The following INTS9 variants were observed in gnomAD, a reference collection of about 807,000 sequenced individuals.
INTS9 encodes integrator complex subunit 9, also known as protein related to CPSF subunits of 74 kDa.
INTS9 carries 55 observed loss-of-function variants against 79.7 expected under a neutral mutation model. The ratio of observed to expected loss-of-function variants is 0.69; its 90% confidence interval spans 0.56 to 0.86. The LOEUF is 0.86. Among genes scored for constraint, INTS9 ranks in the 40% least tolerant of loss-of-function variants. The probability of loss-of-function intolerance (pLI) is 0.00; values close to 1 mark genes in which losing one functional copy is unlikely to be tolerated. For missense variants in INTS9, 721 were observed against 831.5 expected (o/e 0.87, Z 1.64); for synonymous variants, 319 against 325.2 (o/e 0.98, Z 0.20).
Position 28,851,322 on chromosome 8 carries a change from G to T in INTS9, c.138-1049C>A, listed in dbSNP as rs539224529. 6.0e-4 allele frequency among the ~76,000 whole-genome samples: 92 copies of T among 152,126 alleles called. 6 individuals are homozygous for T. In the South Asian group the frequency reaches 0.018, roughly 31 times the overall value. ...AGTCAACACAAAAGCATAAATATGT[G>T]AATATCTGTCAATCTTTTAGAAATG... On this transcript the variant is annotated intron_variant, in intron 2 of 16. Transcript: ENST00000521022.
intron 8 of INTS9, among the ~76,000 whole-genome samples, chr8:28,797,932 T>C (rs1025762651): frequency 6.6e-6 from 1 of 152,268 alleles, no homozygotes; most frequent in Non-Finnish European, 1.5e-5. Context: ...TTCAGTATTT[T>C]CCTTTCACCT....
chr8:28,837,541 CT>C, intron 5 of INTS9, 95 bp downstream of exon 5: 5 of 1,354,606 alleles, frequency 3.7e-6, no homozygotes, highest in Non-Finnish European at 5.0e-6. Context: ...TCAGAAGGAA[CT>C]AACCACCAGC....
intron 2 of INTS9, among the ~76,000 whole-genome samples, chr8:28,851,530 C>A (rs575079169): frequency 2.6e-5 from 4 of 151,874 alleles, no homozygotes; most frequent in African/African-American, 9.7e-5. Context: ...CTCTGCCTCC[C>A]GGGTCCACGC....
At chr8:28,785,414 T>C (rs748163436) in intron 11 of INTS9, among the ~76,000 whole-genome samples, 67 of 152,246 alleles carry the variant, frequency 4.4e-4, no homozygotes, top group Non-Finnish European at 1.2e-4. Flanking sequence ...ATGTTAACTA[T>C]GAGTTTACTG....
chr8:28,797,827 C>T (rs1052897989), intron 8 of INTS9, among the ~76,000 whole-genome samples: 8 of 152,172 alleles, frequency 5.3e-5, no homozygotes, highest in Non-Finnish European at 8.8e-5. Flanking sequence ...AGGCTTACTC[C>T]TCTTTTTTCT....
intron 16 of INTS9, 64 bp downstream of exon 16, chr8:28,769,825 C>A: frequency 6.3e-7 from 1 of 1,591,478 alleles, no homozygotes; most frequent in Non-Finnish European, 8.6e-7. Flanking sequence ...GCCAGGGGGC[C>A]ATAGTGAGCC....
chr8:28,792,864 G>C (rs1029060019), intron 10 of INTS9, among the ~76,000 whole-genome samples: 6 of 149,836 alleles, frequency 4.0e-5, no homozygotes, highest in Non-Finnish European at 7.4e-5. Flanking sequence ...AGTGAGCGGA[G>C]ATTGTGCCAC....
chr8:28,814,588 C>T (rs1805363180), intron 6 of INTS9, among the ~76,000 whole-genome samples: 1 of 152,146 alleles, frequency 6.6e-6, no homozygotes, highest in African/African-American at 2.4e-5. Flanking sequence ...TTCCAGATCT[C>T]CTCATTCCTT....
chr8:28,849,994 T>A, intron 3 of INTS9: 1 of 402,154 alleles, frequency 2.5e-6, no homozygotes, highest in Admixed American at 4.2e-5. Flanking sequence ...TTTCTACACA[T>A]GAGCAAAATG....
chr8:28,767,972 A>G lies in INTS9; in HGVS notation c.*174T>C, dbSNP rs924033596. On this transcript the variant is annotated 3_prime_UTR_variant, in exon 17 of 17. Coordinates refer to ENST00000521022, the MANE Select transcript of INTS9 (RefSeq NM_018250.4). The stretch of plus-strand genomic sequence containing the variant: ...TTGAAAGGGAAAGTTCTTGCCTGAA[A>G]CAGTGCTGGGAATAAGTCCAGACCA... 4 of 656,694 alleles carry G rather than the reference A, an allele frequency of 6.1e-6. No homozygotes were observed. The highest frequency in any genetic ancestry group is 1.1e-5 in the Non-Finnish European group (4 of 373,296). 40.7% of individuals were successfully genotyped at this position (656,694 alleles called of 1,614,324 possible).
intron 6 of INTS9, 22 bp downstream of exon 6, chr8:28,835,270 A>G (rs1806739258): frequency 1.3e-6 from 2 of 1,567,384 alleles, no homozygotes; most frequent in Non-Finnish European, 1.8e-6. Flanking sequence ...GTCTCTCGGT[A>G]AGAGAGTGGT....
At position 28,837,687 on chromosome 8, in the gene INTS9, G is replaced by A. The variant is rs1457000350; in HGVS notation, c.351C>T (p.Thr117=). 9 of 1,613,762 alleles carry A rather than the reference G, an allele frequency of 5.6e-6. No homozygotes were observed. Among genetic ancestry groups the A allele is most frequent in the African/African-American group, 2.7e-5 (2 of 74,916 alleles). Reference sequence around the variant, plus strand: ...TGGCATACACTGTGCCTGTGAAGCCGGTGTGCTCGGTGATGTATGGCAGCG... The same window carrying A: ...TGGCATACACTGTGCCTGTGAAGCCAGTGTGCTCGGTGATGTATGGCAGCG... ...MMALPYITEH[T]GFTGTVYATE... is the part of the protein sequence containing the mutation. The change falls in exon 5 of 17, where the codon ACC becomes ACT. Residue 117 remains threonine, a synonymous_variant. Coordinates refer to ENST00000521022, the MANE Select transcript of INTS9 (RefSeq NM_018250.4).
At chr8:28,881,475 G>T (rs1809799606) in intron 1 of INTS9, among the ~76,000 whole-genome samples, 2 of 28,898 alleles carry the variant, frequency 6.9e-5, no homozygotes, top group African/African-American at 2.5e-4. Flanking sequence ...CGGGAGGGGG[G>T]AGGGGGGGGT....
chr8:28,814,150 C>T (rs185931185), intron 6 of INTS9, among the ~76,000 whole-genome samples: 7 of 151,912 alleles, frequency 4.6e-5, no homozygotes, highest in Non-Finnish European at 8.8e-5. Flanking sequence ...ATCATTTGCT[C>T]CAAAAGAATC....
chr8:28,850,050 C>A, intron 3 of INTS9, 163 bp downstream of exon 3: 1 of 512,524 alleles, frequency 2.0e-6, no homozygotes, highest in East Asian at 2.9e-5. Context: ...TGCTTAAAAA[C>A]AGCAGTTACC....
At chr8:28,862,288 A>G in intron 1 of INTS9, 1 of 908,548 alleles carries the variant, frequency 1.1e-6, no homozygotes, top group South Asian at 5.1e-5. Flanking sequence ...TCATTTTTAT[A>G]TTCCATCTTT....
Position 28,801,175 on chromosome 8 carries a change from G to T in INTS9, c.745-4520C>A, listed in dbSNP as rs1184052748. On this transcript the variant is annotated intron_variant, in intron 8 of 16. Coordinates refer to ENST00000521022, the MANE Select transcript of INTS9 (RefSeq NM_018250.4). ...CAAAAAAACAAAACAAACCTACATA[G>T]CAACTGCCTTAGTTCTTAAAAATTT... Among the ~76,000 whole-genome samples the T allele has an allele frequency of 2.6e-5, 4 of 152,188 alleles. No homozygotes were observed. In the East Asian group the frequency reaches 7.7e-4, roughly 29 times the overall value.
At chr8:28,862,762 A>G (rs1808527566) in intron 1 of INTS9, among the ~76,000 whole-genome samples, 1 of 152,218 alleles carries the variant, frequency 6.6e-6, no homozygotes, top group African/African-American at 2.4e-5. Context: ...CTATCACCCT[A>G]GTAGTAGCCA....
intron 4 of INTS9, among the ~76,000 whole-genome samples, chr8:28,838,719 CCAT>C (rs1806975231): frequency 6.6e-6 from 1 of 152,054 alleles, no homozygotes; most frequent in African/African-American, 2.4e-5. Context: ...TGGGTTTTCA[CCAT>C]GTTGGCCAAG....
Sources: gnomAD v4.1 joint callset for allele counts (sites outside exome capture counted in the v4.1 genomes callset) on GRCh38, gnomAD v4.1.1 for gene constraint, MANE v1.5 for transcripts, NCBI Gene and HGNC (gene_info 2026-07-23, HGNC 2026-07-21) for gene names.